DYRK4: variants seen among roughly 807,000 people sequenced by gnomAD.
DYRK4 encodes dual specificity tyrosine phosphorylation regulated kinase 4, also known as dual specificity tyrosine-phosphorylation-regulated kinase 4.
Under a neutral mutation model 68.3 loss-of-function variants are expected in DYRK4, and 64 were observed. The observed-to-expected ratio is 0.94, with a 90% CI of 0.77 to 1.15. DYRK4 has a LOEUF of 1.15. Ranked by LOEUF, DYRK4 falls within the 50% of genes most tolerant of loss-of-function variation. DYRK4 has a pLI of 0.00. For missense variants in DYRK4, 740 were observed against 764.7 expected (o/e 0.97, Z 0.38); for synonymous variants, 274 against 289.9 (o/e 0.95, Z 0.56).
chr12:4,586,078 C>T (rs1232204016), intron 2 of DYRK4, among the ~76,000 whole-genome samples: 1 of 152,126 alleles, frequency 6.6e-6, no homozygotes, highest in Non-Finnish European at 1.5e-5. Flanking sequence ...TAAAAATTAG[C>T]TGGGCTTGGT....
At position 4,591,521 on chromosome 12, in the gene DYRK4, C is replaced by T. The variant is rs1944954536; in HGVS notation, c.463+223C>T. 1.7e-6 allele frequency: 1 copy of T among 582,242 alleles called. No individual in the cohort carries two copies. The highest frequency in any genetic ancestry group is 2.9e-6 in the Non-Finnish European group (1 of 348,588). 36.1% of individuals were successfully genotyped at this position (582,242 alleles called of 1,614,324 possible). A position where few individuals can be genotyped will look rare whatever the true frequency, so the allele number is the denominator to read the frequency against. On this transcript the variant is annotated intron_variant, in intron 5 of 14. Transcript: ENST00000543431. The surrounding 1 kb of genome is among the most constrained non-coding windows in gnomAD (Gnocchi z 4.1). ...ATTTCCCCCAAGGAGTGGCTCTGGG[C>T]AAGGGCGGGATGTACCAATGCAGAC...
chr12:4,586,864 G>T (rs528451728), intron 2 of DYRK4, among the ~76,000 whole-genome samples: 5 of 152,158 alleles, frequency 3.3e-5, no homozygotes, highest in Non-Finnish European at 7.4e-5. Context: ...GACAACTTTG[G>T]CATGTGCAAA....
chr12:4,598,077 A>C (rs1226837765), intron 8 of DYRK4, among the ~76,000 whole-genome samples: 4 of 152,114 alleles, frequency 2.6e-5, no homozygotes, highest in Admixed American at 2.6e-4. Flanking sequence ...AACAAACAAA[A>C]AAAGAATGAA....
At chr12:4,584,681 G>A (rs1470905619) in intron 2 of DYRK4, among the ~76,000 whole-genome samples, 1 of 147,900 alleles carries the variant, frequency 6.8e-6, no homozygotes, top group African/African-American at 2.5e-5. Flanking sequence ...TCAGCCTCCC[G>A]AGTAGCTGGG....
At chr12:4,602,855 C>T (rs572944890) in intron 10 of DYRK4, 1 of 1,135,162 alleles carries the variant, frequency 8.8e-7, no homozygotes, top group African/African-American at 1.5e-5. Context: ...GGAAATACAT[C>T]ACTGTGACAG....
intron 2 of DYRK4, among the ~76,000 whole-genome samples, chr12:4,574,510 G>A (rs888036706): frequency 1.3e-5 from 2 of 152,098 alleles, no homozygotes; most frequent in Non-Finnish European, 2.9e-5. Flanking sequence ...ACATTTGGCC[G>A]CTTTCACTGG....
Position 4,610,547 on chromosome 12 carries a change from C to T in DYRK4, c.1490+263C>T, listed in dbSNP as rs1945207991. 1.4e-5 allele frequency: 4 copies of T among 277,966 alleles called. No individual in the cohort carries two copies. In the East Asian group the frequency reaches 2.8e-4, roughly 19 times the overall value. The allele number at this position is 277,966 out of a possible 1,614,324, so 17.2% of individuals were successfully genotyped here. On this transcript the variant is annotated intron_variant, in intron 13 of 14. Coordinates refer to ENST00000543431, the MANE Select transcript of DYRK4 (RefSeq NM_001394779.1). ...GGTTCAAAGAGATTAAGTGACCTGC[C>T]CTGGAATACACAGCGTATGGTAGAG...
intron 10 of DYRK4, among the ~76,000 whole-genome samples, chr12:4,601,447 A>C (rs1178134545): frequency 6.6e-6 from 1 of 152,226 alleles, no homozygotes; most frequent in Non-Finnish European, 1.5e-5. Context: ...GAACCAACCT[A>C]AACATCTACA....
At chr12:4,611,019 C>T (rs761747218) in intron 13 of DYRK4, among the ~76,000 whole-genome samples, 1 of 152,164 alleles carries the variant, frequency 6.6e-6, no homozygotes, top group Non-Finnish European at 1.5e-5. Flanking sequence ...TTTTCTGGGC[C>T]TCAGTGTTCT....
intron 2 of DYRK4, among the ~76,000 whole-genome samples, chr12:4,575,232 T>C (rs1193993655): frequency 6.6e-6 from 1 of 151,602 alleles, no homozygotes; most frequent in Admixed American, 6.6e-5. Flanking sequence ...ATTTCAGTCT[T>C]CCACATACTT....
At chr12:4,573,233 A>T in intron 2 of DYRK4, 1 of 1,050,884 alleles carries the variant, frequency 9.5e-7, no homozygotes, top group Non-Finnish European at 1.3e-6. Flanking sequence ...CAGTGGCTCA[A>T]TGAAGATAGG....
Position 4,588,925 on chromosome 12 carries a change from C to T in DYRK4, c.133-12C>T. 6.5e-7 allele frequency: 1 copy of T among 1,535,772 alleles called. No individual in the cohort carries two copies. ...GCCAAGCATTGTTCCTATTTTCTTCCACTTGATCCAGGTTGGAAGTAAACT... is the reference window on the plus strand; with the variant it reads ...GCCAAGCATTGTTCCTATTTTCTTCTACTTGATCCAGGTTGGAAGTAAACT... On this transcript the variant is annotated splice_polypyrimidine_tract_variant and intron_variant, in intron 2 of 14. Transcript: ENST00000543431.
intron 2 of DYRK4, chr12:4,573,029 C>G (rs1944748572): frequency 1.3e-5 from 4 of 301,916 alleles, no homozygotes; most frequent in Non-Finnish European, 2.6e-5. Flanking sequence ...TCAGTTCAAG[C>G]TGAAGAGACA....
chr12:4,568,167 G>T lies in DYRK4; in HGVS notation c.132+119G>T, dbSNP rs564723846. 43 of 929,112 alleles carry T rather than the reference G, an allele frequency of 4.6e-5. No homozygotes were observed. The East Asian group carries it at 1.0e-3, about 22-fold the overall frequency. 57.6% of individuals were successfully genotyped at this position (929,112 alleles called of 1,614,324 possible). On this transcript the variant is annotated intron_variant, in intron 2 of 14. Coordinates refer to ENST00000543431, the MANE Select transcript of DYRK4 (RefSeq NM_001394779.1). ...CTCTGGGTACAGCGCAAAGGCAAAG[G>T]TGTGGAGGATCATGCTGATTGGCAG...
chr12:4,574,151 G>C (rs1455870589), intron 2 of DYRK4, among the ~76,000 whole-genome samples: 1 of 151,530 alleles, frequency 6.6e-6, no homozygotes, highest in Non-Finnish European at 1.5e-5. Context: ...CTTGAACCTG[G>C]GAGGCGGAGG....
At chr12:4,578,576 C>G (rs1006557620) in intron 2 of DYRK4, among the ~76,000 whole-genome samples, 1 of 152,076 alleles carries the variant, frequency 6.6e-6, no homozygotes, top group African/African-American at 2.4e-5. Flanking sequence ...CTGATAATTC[C>G]AATACTTGGA....
At chr12:4,563,122 C>G (rs1944645037) in intron 1 of DYRK4, 1 of 456,038 alleles carries the variant, frequency 2.2e-6, no homozygotes, top group Non-Finnish European at 4.4e-6. Context: ...GTGGAAACAA[C>G]AAATGAAAAT....
At chr12:4,605,162 G>C (rs529477583) in intron 11 of DYRK4, 76 bp downstream of exon 11, 3 of 1,366,430 alleles carry the variant, frequency 2.2e-6, no homozygotes, top group Non-Finnish European at 3.0e-6. Flanking sequence ...CACCAGACTC[G>C]CCCAGGACCA....
intron 1 of DYRK4, 82 bp from the exon 2 acceptor site, chr12:4,567,873 C>A: frequency 8.2e-7 from 1 of 1,222,990 alleles, no homozygotes; most frequent in Non-Finnish European, 1.1e-6. Context: ...AACCTGCCTG[C>A]TTTCTTCTGT....
Sources: gnomAD v4.1 joint callset for allele counts (sites outside exome capture counted in the v4.1 genomes callset) on GRCh38, gnomAD v4.1.1 for gene constraint, Gnocchi (gnomAD v3.1) non-coding constraint, MANE v1.5 for transcripts, NCBI Gene and HGNC (gene_info 2026-07-23, HGNC 2026-07-21) for gene names.